The following MAEL variants were observed in gnomAD, a reference collection of about 807,000 sequenced individuals.
MAEL encodes protein maelstrom homolog.
Under a neutral mutation model 62.0 loss-of-function variants are expected in MAEL, and 46 were observed. The ratio of observed to expected loss-of-function variants is 0.74; its 90% CI spans 0.59 to 0.95. The LOEUF (loss-of-function observed/expected upper bound fraction) is 0.95. Among genes scored for constraint, MAEL ranks in the 40% least tolerant of loss-of-function variants. The pLI is 0.00. For synonymous variants in MAEL, 172 were observed against 175.5 expected (o/e 0.98, Z 0.16); for missense variants, 497 against 526.8 (o/e 0.94, Z 0.55).
At chr1:166,976,744 C>A (rs1048987149) in intron 1 of MAEL, among the ~76,000 whole-genome samples, 1 of 152,182 alleles carries the variant, frequency 6.6e-6, no homozygotes, top group African/African-American at 2.4e-5. Context: ...CTGGAGCAGA[C>A]AGACTCCACA....
intron 11 of MAEL, 80 bp downstream of exon 11, chr1:167,021,240 C>T (rs1665617950): frequency 1.0e-6 from 1 of 964,606 alleles, no homozygotes; most frequent in South Asian, 1.4e-5. Flanking sequence ...GGTATTTAAA[C>T]AGTGATATCT....
rs547590420 is a variant in MAEL at position 166,991,684 on chromosome 1, G to C, written c.325+207G>C. ...GTGGTTTTTTTTTTAACAAAAATCT[G>C]TTCTCTGTTTCTACCACTTTATATG... On this transcript the variant is annotated intron_variant, in intron 3 of 11. Transcript: ENST00000367872. 2.0e-5 allele frequency among the ~76,000 whole-genome samples: 3 copies of C among 151,718 alleles called. No individual in the cohort carries two copies. The South Asian group carries it at 6.3e-4, about 32-fold the overall frequency.
chr1:167,004,162 C>T lies in MAEL; in HGVS notation c.524-18C>T. The T allele has an allele frequency of 1.3e-6, 2 of 1,597,412 alleles. No homozygotes were observed. Among genetic ancestry groups the T allele is most frequent in the Non-Finnish European group, 1.7e-6 (2 of 1,173,404 alleles). ...TATCTTGCTCAAAGTTTGAACTTCT[C>T]CTTTTTATTTCCCTCAGGTGATTCT... On this transcript the variant is annotated intron_variant, in intron 5 of 11. Transcript: ENST00000367872.
chr1:167,009,178 AGTTGTAAGCTGGCTGCT>A (rs1489875956), intron 8 of MAEL, among the ~76,000 whole-genome samples: 4 of 152,130 alleles, frequency 2.6e-5, no homozygotes, highest in Non-Finnish European at 4.4e-5. Flanking sequence ...CATTTCCTGT[AGTTGTAAGCTGGCTGCT>A]GTGATATTTG....
chr1:167,007,464 T>C (rs1379149787), intron 8 of MAEL, among the ~76,000 whole-genome samples: 9 of 152,102 alleles, frequency 5.9e-5, no homozygotes, highest in Admixed American at 4.6e-4. Context: ...GCATAACAGT[T>C]AGGAGATAGA....
chr1:167,009,590 A>AT (rs75695034), intron 8 of MAEL, among the ~76,000 whole-genome samples: 48,412 of 144,460 alleles, frequency 0.34, 9,479 homozygotes, highest in African/African-American at 0.56. Flanking sequence ...ATTTCTGGAG[A>AT]TTTTTTTTTT....
chr1:167,017,529 G>A (rs957811721), intron 9 of MAEL, among the ~76,000 whole-genome samples: 8 of 152,162 alleles, frequency 5.3e-5, no homozygotes, highest in East Asian at 1.9e-4. Flanking sequence ...TATTTCTGCC[G>A]CTGCCCTCTC....
At chr1:166,982,256 T>A (rs752080620) in intron 1 of MAEL, among the ~76,000 whole-genome samples, 7 of 152,186 alleles carry the variant, frequency 4.6e-5, no homozygotes, top group Non-Finnish European at 8.8e-5. Flanking sequence ...ACATCTAAGA[T>A]AAACAGATTG....
intron 1 of MAEL, among the ~76,000 whole-genome samples, chr1:166,982,020 A>G (rs1663773705): frequency 1.3e-5 from 2 of 152,190 alleles, no homozygotes; most frequent in African/African-American, 4.8e-5. Context: ...CTCAAGAAGT[A>G]ACAAGCACCT....
At chr1:167,006,482 G>A (rs982584102) in intron 8 of MAEL, among the ~76,000 whole-genome samples, 1 of 151,594 alleles carries the variant, frequency 6.6e-6, no homozygotes, top group Non-Finnish European at 1.5e-5. Context: ...ACTGCTCAGT[G>A]TGTCATATCT....
chr1:166,992,863 T>C (rs1452728977), intron 4 of MAEL, 22 bp downstream of exon 4: 1 of 1,552,482 alleles, frequency 6.4e-7, no homozygotes, highest in African/African-American at 1.4e-5. Context: ...GAGTAGATGC[T>C]AGATCTTAAA....
rs764231216 is a variant in MAEL at position 166,989,316 on chromosome 1, T to C, written c.-37T>C. The C allele has an allele frequency of 1.3e-6, 2 of 1,597,538 alleles. No individual in the cohort carries two copies. Among genetic ancestry groups the C allele is most frequent in the African/African-American group, 2.7e-5 (2 of 74,734 alleles). ...GAGCCCGGCGAGGGCGCCGGTGCTT[T>C]GTTCTGTCTGAGGCCAGGAAGTTTG... On this transcript the variant is annotated 5_prime_UTR_variant, in exon 1 of 12. Transcript: ENST00000367872.
intron 4 of MAEL, 93 bp from the exon 5 acceptor site, chr1:166,993,935 T>C: frequency 1.1e-6 from 1 of 869,894 alleles, no homozygotes; most frequent in Non-Finnish European, 1.8e-6. Context: ...AAATTACCTT[T>C]CTGTGTGATA....
At chr1:166,986,945 C>CGTGTGTGT (rs58393275), upstream of MAEL, among the ~76,000 whole-genome samples, 4,001 of 147,082 alleles carry the variant, frequency 0.027, 85 homozygotes, top group Admixed American at 0.043. Context: ...AGGAAGGGGA[C>CGTGTGTGT]GTGTGTGTGT....
At chr1:166,996,324 A>T (rs2102079244) in intron 5 of MAEL, among the ~76,000 whole-genome samples, 1 of 152,356 alleles carries the variant, frequency 6.6e-6, no homozygotes, top group South Asian at 2.1e-4. Flanking sequence ...ATGAACTATG[A>T]GTGAGAGTAT....
intron 5 of MAEL, among the ~76,000 whole-genome samples, chr1:166,999,930 G>A (rs1000674636): frequency 3.3e-5 from 5 of 151,844 alleles, no homozygotes; most frequent in African/African-American, 1.2e-4. Flanking sequence ...ATGGTTTACT[G>A]AATATTTTAA....
intron 1 of MAEL, among the ~76,000 whole-genome samples, chr1:166,983,334 T>G (rs1663815500): frequency 6.6e-6 from 1 of 152,212 alleles, no homozygotes; most frequent in African/African-American, 2.4e-5. Context: ...TTCTCTGGCT[T>G]CTAAACGCTA....
At chr1:166,975,777 T>C (rs1379300524) in intron 1 of MAEL, 1 of 151,730 alleles carries the variant, frequency 6.6e-6, no homozygotes, top group Non-Finnish European at 1.5e-5. Context: ...GGAGCGACCA[T>C]CGCGGCTTCT....
At chr1:167,012,690 T>G (rs1665218696) in intron 8 of MAEL, among the ~76,000 whole-genome samples, 1 of 152,080 alleles carries the variant, frequency 6.6e-6, no homozygotes, top group Non-Finnish European at 1.5e-5. Flanking sequence ...TATAGAATGG[T>G]CAAGAAGAAT....
Sources: gnomAD v4.1 joint callset for allele counts (sites outside exome capture counted in the v4.1 genomes callset) on GRCh38, gnomAD v4.1.1 for gene constraint, MANE v1.5 for transcripts, NCBI Gene and HGNC (gene_info 2026-07-23, HGNC 2026-07-21) for gene names.